Variants in TCN1 observed in about 807,000 individuals in gnomAD.
The protein encoded by TCN1 is transcobalamin-1.
TCN1 carries 47 observed loss-of-function variants against 46.3 expected under a neutral mutation model. That is an observed-to-expected ratio of 1.01 (90% CI 0.80 to 1.29). The LOEUF (loss-of-function observed/expected upper bound fraction) is 1.29. Ranked by LOEUF, TCN1 falls within the 50% of genes most tolerant of loss-of-function variation. The pLI is 0.00. For missense variants in TCN1, 532 were observed against 511.0 expected (o/e 1.04, Z -0.40); for synonymous variants, 183 against 192.5 (o/e 0.95, Z 0.41).
intron 4 of TCN1, among the ~76,000 whole-genome samples, chr11:59,859,807 T>C (rs1001478340): frequency 6.6e-6 from 1 of 152,172 alleles, no homozygotes; most frequent in African/African-American, 2.4e-5. Context: ...GTACTTAACA[T>C]AGGGTCAATG....
intron 5 of TCN1, among the ~76,000 whole-genome samples, chr11:59,858,656 T>C (rs2135107309): frequency 6.6e-6 from 1 of 152,216 alleles, no homozygotes; most frequent in Non-Finnish European, 1.5e-5. Flanking sequence ...AATAAGGTCT[T>C]AGGAGGCCAA....
chr11:59,852,994 A>T lies in TCN1; in HGVS notation c.1283T>A (p.Val428Asp). 1 of 1,614,056 alleles carries T rather than the reference A, an allele frequency of 6.2e-7. No individual in the cohort carries two copies. Residue 428 changes from valine (V) to aspartate (D), a missense_variant, in exon 9 of 9, where the codon GTT (valine) becomes GAT (aspartate). Coordinates refer to ENST00000257264, the MANE Select transcript of TCN1 (RefSeq NM_001062.4). Reference protein sequence around the residue: ...YVVRNGENLEVRWSKY With the variant: ...YVVRNGENLEDRWSKY ...GGCTTATTAGTATTTGCTCCAGCGA[A>T]CCTCCAAGTTTTCTCCATTGCGGAC...
At chr11:59,861,746 C>T in intron 3 of TCN1, 64 bp from the exon 4 acceptor site, 1 of 1,536,074 alleles carries the variant, frequency 6.5e-7, no homozygotes, top group Non-Finnish European at 9.0e-7. Context: ...CATTTTCCAT[C>T]TATTCCTACT....
At chr11:59,865,266 G>T (rs1257166037) in intron 1 of TCN1, among the ~76,000 whole-genome samples, 1 of 152,106 alleles carries the variant, frequency 6.6e-6, no homozygotes, top group Non-Finnish European at 1.5e-5. Flanking sequence ...AGATTTTGTG[G>T]AACCATCCAG....
At chr11:59,860,336 C>A (rs529460394) in intron 4 of TCN1, among the ~76,000 whole-genome samples, 1 of 151,556 alleles carries the variant, frequency 6.6e-6, no homozygotes, top group South Asian at 2.1e-4. Flanking sequence ...ACCATGTTGG[C>A]GAGGCTGGTC....
intron 7 of TCN1, among the ~76,000 whole-genome samples, chr11:59,853,531 A>G (rs1216926923): frequency 6.6e-6 from 1 of 152,174 alleles, no homozygotes; most frequent in African/African-American, 2.4e-5. Flanking sequence ...GCTGATTCTA[A>G]TGCAGGCACT....
At chr11:59,858,360 A>C (rs891176534) in intron 5 of TCN1, among the ~76,000 whole-genome samples, 3 of 152,184 alleles carry the variant, frequency 2.0e-5, no homozygotes, top group African/African-American at 7.2e-5. Context: ...TTTCCATTTA[A>C]TATTTTCAAG....
chr11:59,856,003 G>A lies in TCN1; in HGVS notation c.803C>T (p.Thr268Ile). Residue 268 changes from threonine (T) to isoleucine (I), a missense_variant, in exon 6 of 9, where the codon ACT becomes ATT. Transcript: ENST00000257264. ...AATTTCCGTGAGCACTGTATTCAGA[G>A]TTTGTTGGCAATTCCAGTCATTTTC... Reference protein sequence around the residue: ...YNENDWNCQQTLNTVLTEISQ... With the variant: ...YNENDWNCQQILNTVLTEISQ... The A allele has an allele frequency of 2.2e-6, 3 of 1,354,666 alleles. No homozygotes were observed. Among genetic ancestry groups the A allele is most frequent in the Non-Finnish European group, 2.9e-6 (3 of 1,024,774 alleles). 83.9% of individuals were successfully genotyped at this position (1,354,666 alleles called of 1,614,324 possible). A position where few individuals can be genotyped will look rare whatever the true frequency, so the allele number is the denominator to read the frequency against.
In TCN1 at chr11:59,861,627, CA is replaced by C. The variant is rs756246011; in HGVS notation, c.455del (p.Leu152TrpfsTer34). The C allele has an allele frequency of 6.9e-5, 112 of 1,613,982 alleles. No homozygotes were observed. The highest frequency in any genetic ancestry group is 8.5e-5 in the Non-Finnish European group (100 of 1,179,996). On this transcript the variant is annotated frameshift_variant, in exon 4 of 9. Transcript: ENST00000257264. LOFTEE classifies it high-confidence loss of function. ...AGTTCCCATTGAACAGACACAAGGCCAAAACGTCCAGGCTGAGCTGGTAGTA... is the reference window on the plus strand; with the variant it reads ...AGTTCCCATTGAACAGACACAAGGCCAAACGTCCAGGCTGAGCTGGTAGTA... ...TNYYQLSLDV[L>X]ALCLFNGNYS...
intron 7 of TCN1, among the ~76,000 whole-genome samples, chr11:59,853,941 C>A (rs1866694958): frequency 6.8e-6 from 1 of 146,548 alleles, no homozygotes; most frequent in Admixed American, 6.7e-5. Context: ...TAACTGTCAA[C>A]TAGAGTTAAG....
intron 2 of TCN1, among the ~76,000 whole-genome samples, chr11:59,863,437 T>C (rs1853038223): frequency 6.6e-6 from 1 of 152,180 alleles, no homozygotes. Flanking sequence ...TCATAATTCT[T>C]ATAATAATAT....
intron 4 of TCN1, 122 bp downstream of exon 4, chr11:59,861,405 G>T: frequency 9.2e-7 from 1 of 1,092,324 alleles, no homozygotes; most frequent in Non-Finnish European, 1.4e-6. Context: ...TCCCTTTTGA[G>T]GGGACTAGAG....
At chr11:59,863,745 A>C (rs886793406) in intron 2 of TCN1, among the ~76,000 whole-genome samples, 162 bp downstream of exon 2, 1 of 152,158 alleles carries the variant, frequency 6.6e-6, no homozygotes, top group African/African-American at 2.4e-5. Context: ...GGTGAATGGC[A>C]TGGGATTGTA....
intron 1 of TCN1, among the ~76,000 whole-genome samples, chr11:59,865,448 G>A (rs1204368614): frequency 6.6e-6 from 1 of 152,152 alleles, no homozygotes; most frequent in Admixed American, 6.6e-5. Flanking sequence ...CAGGGGAAAT[G>A]TCAAGCCAAG....
intron 6 of TCN1, 134 bp downstream of exon 6, chr11:59,855,735 C>T: frequency 2.0e-6 from 2 of 994,376 alleles, no homozygotes; most frequent in African/African-American, 3.2e-5. Flanking sequence ...ATGAGGAAAA[C>T]TGAATTCTCT....
chr11:59,864,514 C>T (rs1055437086), intron 1 of TCN1, among the ~76,000 whole-genome samples: 2 of 152,116 alleles, frequency 1.3e-5, no homozygotes, highest in Non-Finnish European at 2.9e-5. Flanking sequence ...CTTTCCTTCT[C>T]CATCTTCTAA....
At chr11:59,854,519 G>A (rs1158012070) in intron 7 of TCN1, 133 bp downstream of exon 7, 2 of 882,550 alleles carry the variant, frequency 2.3e-6, no homozygotes, top group East Asian at 2.6e-5. Context: ...CCTGCTGTGA[G>A]ATGTAGATGG....
At chr11:59,861,442 G>A in intron 4 of TCN1, 85 bp downstream of exon 4, 1 of 1,426,588 alleles carries the variant, frequency 7.0e-7, no homozygotes, top group Non-Finnish European at 9.9e-7. Flanking sequence ...TAAAATCCAG[G>A]TACTTACTGG....
rs1441668417 is a variant in TCN1 at position 59,852,879 on chromosome 11, C to T, written c.*96G>A. 3 of 1,148,784 alleles carry T rather than the reference C, an allele frequency of 2.6e-6. No individual in the cohort carries two copies. Among genetic ancestry groups the T allele is most frequent in the Admixed American group, 3.4e-5 (2 of 59,402 alleles). The allele number at this position is 1,148,784 out of a possible 1,614,324, so 71.2% of individuals were successfully genotyped here. A position where few individuals can be genotyped will look rare whatever the true frequency, so the allele number is the denominator to read the frequency against. ...GAAGGGGAGGTTATTAACTCTCCTG[C>T]TCGTACTGGGATAAATGAAGAAGAA... On this transcript the variant is annotated 3_prime_UTR_variant, in exon 9 of 9. Coordinates refer to ENST00000257264, the MANE Select transcript of TCN1 (RefSeq NM_001062.4).
Sources: gnomAD v4.1 joint callset for allele counts (sites outside exome capture counted in the v4.1 genomes callset) on GRCh38, gnomAD v4.1.1 for gene constraint, MANE v1.5 for transcripts, NCBI Gene and HGNC (gene_info 2026-07-23, HGNC 2026-07-21) for gene names.